The following CRISP1 variants were observed in gnomAD, a reference collection of about 807,000 sequenced individuals.
The protein encoded by CRISP1 is cysteine rich secretory protein 1, also known as cysteine-rich secretory protein 1.
Under a neutral mutation model 33.1 loss-of-function variants are expected in CRISP1, and 44 were observed. The observed-to-expected ratio is 1.33, with a 90% confidence interval of 1.05 to 1.71. The LOEUF (loss-of-function observed/expected upper bound fraction) is 1.71, where lower values mean the gene tolerates loss of function less well. CRISP1 is among the 40% of genes most tolerant of loss of function. The probability of loss-of-function intolerance (pLI) is 0.00; values close to 1 mark genes in which losing one functional copy is unlikely to be tolerated. For missense variants in CRISP1, 390 were observed against 301.2 expected, an observed-to-expected ratio of 1.29 and a Z score of -2.18; for synonymous variants, 103 against 98.7, an observed-to-expected ratio of 1.04 and a Z score of -0.26.
chr6:49,835,672 TTTTTAAGTCCA>T (rs1469282214), intron 7 of CRISP1, among the ~76,000 whole-genome samples: 1 of 152,202 alleles, frequency 6.6e-6, no homozygotes, highest in Non-Finnish European at 1.5e-5. Context: ...TTATCACAAT[TTTTTAAGTCCA>T]ATATAAACAG....
rs1770879079 is a variant in CRISP1, at chr6:49,838,509, T to A, written c.550A>T (p.Thr184Ser). Reference protein sequence around the residue: ...HYCHEGNDPETKNEPYKTGVP... With the variant: ...HYCHEGNDPESKNEPYKTGVP... ...CCTGTCTTATAAGGTTCATTCTTTG[T>A]TTCAGGATCATTTCCCCTTGAATAA... Residue 184 changes from threonine (T) to serine (S), a missense_variant, in exon 7 of 8, where the codon ACA becomes TCA. Physicochemically the swap from Thr to Ser is moderately conservative, Grantham distance 58. Coordinates refer to ENST00000335847, the MANE Select transcript of CRISP1 (RefSeq NM_001131.3). 1 of 1,612,666 alleles carries A rather than the reference T, an allele frequency of 6.2e-7. No individual in the cohort carries two copies.
At chr6:49,872,639 A>G (rs1582290157) in intron 1 of CRISP1, among the ~76,000 whole-genome samples, 3 of 151,874 alleles carry the variant, frequency 2.0e-5, no homozygotes, top group Admixed American at 6.6e-5. Flanking sequence ...TTTTCCCAGC[A>G]CCATTTATTA....
At chr6:49,870,669 C>T (rs569856465), upstream of CRISP1, among the ~76,000 whole-genome samples, 1 of 152,234 alleles carries the variant, frequency 6.6e-6, no homozygotes, top group East Asian at 1.9e-4. Context: ...GTGAGACTCA[C>T]CCAAATTTAC....
Position 49,835,183 on chromosome 6 carries a change from G to T in CRISP1, c.*133C>A. 2 of 902,364 alleles carry T rather than the reference G, an allele frequency of 2.2e-6. No individual in the cohort carries two copies. The highest frequency in any genetic ancestry group is 3.3e-6 in the Non-Finnish European group (2 of 608,716). The allele number at this position is 902,364 out of a possible 1,614,324, so 55.9% of individuals were successfully genotyped here. A position where few individuals can be genotyped will look rare whatever the true frequency, so the allele number is the denominator to read the frequency against. ...TGTTACTTCAGGATGTATCAGGATG[G>T]GAGTTAAGGTCTCCAGCATGATTAA... On this transcript the variant is annotated 3_prime_UTR_variant, in exon 8 of 8. Coordinates refer to ENST00000335847, the MANE Select transcript of CRISP1 (RefSeq NM_001131.3).
intron 1 of CRISP1, among the ~76,000 whole-genome samples, chr6:49,871,731 ATC>A (rs1771928919): frequency 1.3e-5 from 2 of 151,702 alleles, no homozygotes; most frequent in African/African-American, 4.8e-5. Flanking sequence ...ACATGAACTT[ATC>A]ATTTTTTATA....
Position 49,846,607 on chromosome 6 carries a change from A to C in CRISP1, c.348T>G (p.Ile116Met). The C allele has an allele frequency of 6.2e-7, 1 of 1,613,634 alleles. No individual in the cohort carries two copies. The highest frequency in any genetic ancestry group is 8.5e-7 in the Non-Finnish European group (1 of 1,179,680). ...TTGTAGACTCACTGTACCAGACTCC[A>C]ATTACACTTGACCATGATACAGGAT... ...TSYPVSWSSV[I>M]GVWYSESTSF... The change falls in exon 5 of 8, where the codon ATT (isoleucine) becomes ATG (methionine). Residue 116 changes from isoleucine (I) to methionine (M), a missense_variant. Physicochemically the swap from Ile to Met is conservative, Grantham distance 10. Coordinates refer to ENST00000335847, the MANE Select transcript of CRISP1 (RefSeq NM_001131.3).
chr6:49,855,456 G>A (rs1366139736), intron 2 of CRISP1, among the ~76,000 whole-genome samples: 1 of 129,858 alleles, frequency 7.7e-6, no homozygotes, highest in Non-Finnish European at 1.7e-5. Flanking sequence ...TTTTTTTTTT[G>A]GTTATCTGAA....
chr6:49,851,355 G>A (rs1176682375), intron 3 of CRISP1, among the ~76,000 whole-genome samples: 1 of 152,110 alleles, frequency 6.6e-6, no homozygotes, highest in Non-Finnish European at 1.5e-5. Flanking sequence ...ACAAATGTGA[G>A]GGTAATCACC....
intron 4 of CRISP1, 152 bp from the exon 5 acceptor site, chr6:49,846,820 A>G (rs908016098): frequency 2.0e-4 from 143 of 730,846 alleles, no homozygotes; most frequent in Non-Finnish European, 2.7e-4. Flanking sequence ...CCCACTGAAA[A>G]TCTTTCTCAT....
intron 5 of CRISP1, among the ~76,000 whole-genome samples, chr6:49,845,809 C>T (rs1189010491): frequency 6.6e-6 from 1 of 150,950 alleles, no homozygotes; most frequent in African/African-American, 2.4e-5. Flanking sequence ...AAAAAGAATA[C>T]AATTCTGACA....
intron 1 of CRISP1, among the ~76,000 whole-genome samples, chr6:49,858,421 G>T (rs565824077): frequency 1.3e-5 from 2 of 152,308 alleles, no homozygotes; most frequent in Non-Finnish European, 2.9e-5. Flanking sequence ...CACTTTTAAA[G>T]AGCAAGTTAA....
At chr6:49,860,956 A>G (rs1013844805) in intron 1 of CRISP1, among the ~76,000 whole-genome samples, 3 of 152,132 alleles carry the variant, frequency 2.0e-5, no homozygotes, top group Non-Finnish European at 4.4e-5. Context: ...ACCACAAGAC[A>G]ATCATGGATA....
chr6:49,871,058 G>A (rs907706308), upstream of CRISP1, among the ~76,000 whole-genome samples: 3 of 151,400 alleles, frequency 2.0e-5, no homozygotes, highest in Middle Eastern at 3.2e-3. Context: ...CTGAGAGATC[G>A]CGCCATTGCA....
Position 49,840,878 on chromosome 6 carries a change from TAAA to T in CRISP1, c.533+17_533+19del, listed in dbSNP as rs775013561. On this transcript the variant is annotated intron_variant, in intron 6 of 7. Transcript: ENST00000335847. ...GGTTACTTTAGGGGGATATATATTT[TAAA>T]AACTAATAATACATACTCATGACAA... 5.7e-6 allele frequency: 9 copies of T among 1,589,418 alleles called. No individual in the cohort carries two copies. Among genetic ancestry groups the T allele is most frequent in the Non-Finnish European group, 7.8e-6 (9 of 1,161,204 alleles).
chr6:49,854,641 T>C (rs963886931), intron 2 of CRISP1, among the ~76,000 whole-genome samples: 1 of 152,210 alleles, frequency 6.6e-6, no homozygotes, highest in African/African-American at 2.4e-5. Flanking sequence ...CTATCAATAT[T>C]CTGGAAAATA....
intron 1 of CRISP1, 82 bp downstream of exon 1, chr6:49,866,347 A>G (rs1771797912): frequency 6.6e-6 from 1 of 152,180 alleles, no homozygotes; most frequent in Admixed American, 6.6e-5. Context: ...ATCTCATTTA[A>G]CATTATAACA....
upstream of CRISP1, among the ~76,000 whole-genome samples, chr6:49,867,536 AT>A (rs560566863): frequency 3.5e-4 from 53 of 152,112 alleles, no homozygotes; most frequent in Admixed American, 1.6e-3. Flanking sequence ...GTCATAAGTT[AT>A]TTTGTGTTAG....
intron 1 of CRISP1, among the ~76,000 whole-genome samples, chr6:49,874,491 C>A (rs1453952421): frequency 1.3e-5 from 2 of 152,034 alleles, no homozygotes; most frequent in African/African-American, 4.8e-5. Flanking sequence ...GTAGGGAAAA[C>A]CACCATTTTT....
chr6:49,841,927 G>C lies in CRISP1; in HGVS notation c.436-932C>G, dbSNP rs903164610. ...TTCAAATATTTAAGTGGTTCAAAAG[G>C]AGATGTTTTCAGTAAGTGTGATTGT... On this transcript the variant is annotated intron_variant, in intron 5 of 7. Transcript: ENST00000335847. Among the ~76,000 whole-genome samples, 22 of 152,120 alleles carry C rather than the reference G, an allele frequency of 1.4e-4. 1 individual carries two copies. The highest frequency in any genetic ancestry group is 6.2e-4 in the South Asian group (3 of 4,822).
Sources: gnomAD v4.1 joint callset for allele counts (sites outside exome capture counted in the v4.1 genomes callset) on GRCh38, gnomAD v4.1.1 for gene constraint, MANE v1.5 for transcripts, NCBI Gene and HGNC (gene_info 2026-07-23, HGNC 2026-07-21) for gene names.